The following CARMIL1 variants were observed in gnomAD, a reference collection of about 807,000 sequenced individuals.
CARMIL1 encodes the protein F-actin-uncapping protein LRRC16A.
A neutral mutation model predicts 177.1 loss-of-function variants in CARMIL1; 90 were observed. That is an observed-to-expected ratio of 0.51 (90% CI 0.43 to 0.61). CARMIL1 has a LOEUF of 0.61. Ranked by LOEUF, CARMIL1 falls within the 20% of genes least tolerant of loss-of-function variation. CARMIL1 has a pLI of 0.00. For missense variants in CARMIL1, 1,380 were observed against 1,667.0 expected, an observed-to-expected ratio of 0.83 and a Z score of 3.00; for synonymous variants, 577 against 606.2, an observed-to-expected ratio of 0.95 and a Z score of 0.71.
At chr6:25,341,729 C>A (rs1205122566) in intron 2 of CARMIL1, among the ~76,000 whole-genome samples, 2 of 152,176 alleles carry the variant, frequency 1.3e-5, no homozygotes, top group African/African-American at 4.8e-5. Context: ...ACAACAGCAA[C>A]AACAACAGAA....
chr6:25,530,892 C>A (rs544426762), intron 24 of CARMIL1, among the ~76,000 whole-genome samples: 2 of 152,188 alleles, frequency 1.3e-5, no homozygotes, highest in South Asian at 4.1e-4. Context: ...ATAATCACAA[C>A]TTTATAGCTA....
intron 29 of CARMIL1, among the ~76,000 whole-genome samples, chr6:25,566,960 G>C (rs1811606878): frequency 6.6e-6 from 1 of 152,220 alleles, no homozygotes; most frequent in South Asian, 2.1e-4. Context: ...GCAAGTTGCT[G>C]AGGAGAAAGA....
At chr6:25,324,016 A>T (rs1784880854) in intron 2 of CARMIL1, among the ~76,000 whole-genome samples, 1 of 152,256 alleles carries the variant, frequency 6.6e-6, no homozygotes, top group South Asian at 2.1e-4. Context: ...GAGATAGAGG[A>T]CAAGCCTGTT....
chr6:25,405,531 G>A (rs796961963), intron 2 of CARMIL1, among the ~76,000 whole-genome samples: 1 of 152,328 alleles, frequency 6.6e-6, no homozygotes, highest in African/African-American at 2.4e-5. Context: ...TACATCCATT[G>A]TTAGAAATGA....
chr6:25,338,547 C>A (rs1456603815), intron 2 of CARMIL1, among the ~76,000 whole-genome samples: 1 of 119,610 alleles, frequency 8.4e-6, no homozygotes, highest in African/African-American at 2.9e-5. Context: ...AAAAGCTGGT[C>A]CTACTTTTTT....
chr6:25,308,680 A>AT (rs5875026), intron 2 of CARMIL1, among the ~76,000 whole-genome samples: 75,612 of 149,212 alleles, frequency 0.51, 18,986 homozygotes, highest in Middle Eastern at 0.56. Context: ...TGTTCCGGCC[A>AT]TTTTTTTTTT....
chr6:25,411,544 C>G (rs1794904039), intron 2 of CARMIL1, among the ~76,000 whole-genome samples: 1 of 152,180 alleles, frequency 6.6e-6, no homozygotes. Flanking sequence ...CCCCTGTGTT[C>G]ACCTGTGGGC....
intron 2 of CARMIL1, among the ~76,000 whole-genome samples, chr6:25,377,541 G>T (rs1226649788): frequency 6.6e-6 from 1 of 152,194 alleles, no homozygotes; most frequent in Non-Finnish European, 1.5e-5. Flanking sequence ...GGAATCCAGT[G>T]ATGTGACCTG....
In CARMIL1 at chr6:25,598,911, G is replaced by T. The variant is rs540490672; in HGVS notation, c.3120-1403G>T. 2.2e-4 allele frequency among the ~76,000 whole-genome samples: 34 copies of T among 152,230 alleles called. 1 individual carries two copies. In the South Asian group the frequency reaches 6.2e-3, roughly 28 times the overall value. ...TGAGCTTTGGAAACTTTGATCTCCT[G>T]CCTGGCAGGTATAAACCTGCCTGTC... On this transcript the variant is annotated intron_variant, in intron 32 of 36. Coordinates refer to ENST00000329474, the MANE Select transcript of CARMIL1 (RefSeq NM_017640.6).
chr6:25,486,462 G>T (rs1470516960), intron 12 of CARMIL1, among the ~76,000 whole-genome samples: 1 of 152,074 alleles, frequency 6.6e-6, no homozygotes. Flanking sequence ...ATTGAGTTTT[G>T]TTATACCTCA....
chr6:25,395,215 G>T (rs764749604), intron 2 of CARMIL1, among the ~76,000 whole-genome samples: 2 of 152,182 alleles, frequency 1.3e-5, no homozygotes, highest in Non-Finnish European at 2.9e-5. Flanking sequence ...TTAAGAATAT[G>T]CATTGTCGGG....
chr6:25,515,537 G>C lies in CARMIL1; in HGVS notation c.1633-138G>C. ...GCCAGAACCTTAAGTTTCTATCCACGAGTGTCTTTTAGGTAGTAGTTCTAA... is the reference window on the plus strand; with the variant it reads ...GCCAGAACCTTAAGTTTCTATCCACCAGTGTCTTTTAGGTAGTAGTTCTAA... On this transcript the variant is annotated intron_variant, in intron 20 of 36. Transcript: ENST00000329474. The surrounding 1 kb of genome is among the most constrained non-coding windows in gnomAD (Gnocchi z 5.0). 1.4e-6 allele frequency: 1 copy of C among 700,534 alleles called. No individual in the cohort carries two copies. The highest frequency in any genetic ancestry group is 2.2e-6 in the Non-Finnish European group (1 of 459,602). The allele number at this position is 700,534 out of a possible 1,614,324, so 43.4% of individuals were successfully genotyped here. A position where few individuals can be genotyped will look rare whatever the true frequency, so the allele number is the denominator to read the frequency against.
chr6:25,292,126 C>G (rs1302393351), intron 2 of CARMIL1, among the ~76,000 whole-genome samples: 1 of 152,192 alleles, frequency 6.6e-6, no homozygotes, highest in Non-Finnish European at 1.5e-5. Context: ...AGAATGCTGT[C>G]AGAAAATCAT....
intron 2 of CARMIL1, among the ~76,000 whole-genome samples, chr6:25,292,480 C>G (rs1357619474): frequency 6.6e-6 from 1 of 152,180 alleles, no homozygotes; most frequent in Non-Finnish European, 1.5e-5. Flanking sequence ...GGAGTCAGTT[C>G]CTACCTGTTT....
At chr6:25,404,732 G>A (rs1346047969) in intron 2 of CARMIL1, among the ~76,000 whole-genome samples, 2 of 148,206 alleles carry the variant, frequency 1.3e-5, no homozygotes, top group Non-Finnish European at 3.0e-5. Flanking sequence ...CTCCAGCCTG[G>A]GTGACAGAGT....
At chr6:25,467,809 G>A (rs544699785) in intron 9 of CARMIL1, among the ~76,000 whole-genome samples, 1 of 152,186 alleles carries the variant, frequency 6.6e-6, no homozygotes, top group Admixed American at 6.5e-5. Context: ...TTAATATTTG[G>A]TATTTTAAAA....
Position 25,537,992 on chromosome 6 carries a change from C to A in CARMIL1, c.2196+9C>A. On this transcript the variant is annotated intron_variant, in intron 25 of 36. Coordinates refer to ENST00000329474, the MANE Select transcript of CARMIL1 (RefSeq NM_017640.6). Reference sequence around the variant, plus strand: ...CTAAGAACTCTAAAACGGTGAGTTTCACTTCAGGCTGTGTGAGAGTCTGGT... The same window carrying A: ...CTAAGAACTCTAAAACGGTGAGTTTAACTTCAGGCTGTGTGAGAGTCTGGT... The A allele has an allele frequency of 6.3e-7, 1 of 1,594,912 alleles. No individual in the cohort carries two copies. Among genetic ancestry groups the A allele is most frequent in the East Asian group, 2.3e-5 (1 of 44,362 alleles).
intron 2 of CARMIL1, among the ~76,000 whole-genome samples, chr6:25,371,329 AT>A (rs1315989063): frequency 6.6e-6 from 1 of 152,214 alleles, no homozygotes; most frequent in Non-Finnish European, 1.5e-5. Context: ...AGGAATCTTC[AT>A]GCTGTTTTCC....
chr6:25,576,989 C>T (rs983454675), intron 29 of CARMIL1: 2 of 985,134 alleles, frequency 2.0e-6, no homozygotes, highest in Non-Finnish European at 2.4e-6. Flanking sequence ...CTCTGCTGTA[C>T]AAGTGTAAGT....
Sources: gnomAD v4.1 joint callset for allele counts (sites outside exome capture counted in the v4.1 genomes callset) on GRCh38, gnomAD v4.1.1 for gene constraint, Gnocchi (gnomAD v3.1) non-coding constraint, MANE v1.5 for transcripts, NCBI Gene and HGNC (gene_info 2026-07-23, HGNC 2026-07-21) for gene names.